The following RPH3AL variants were observed in gnomAD, a reference collection of about 807,000 sequenced individuals.
RPH3AL encodes rabphilin 3A like (without C2 domains), also known as rab effector Noc2.
RPH3AL carries 38 observed loss-of-function variants against 43.1 expected under a neutral mutation model. The ratio of observed to expected loss-of-function variants is 0.88; its 90% CI spans 0.68 to 1.15. The LOEUF (loss-of-function observed/expected upper bound fraction) is 1.15, where lower values mean the gene tolerates loss of function less well. RPH3AL is among the 50% of genes most tolerant of loss of function. The probability of loss-of-function intolerance (pLI) is 0.00; values close to 1 mark genes in which losing one functional copy is unlikely to be tolerated. For missense variants in RPH3AL, 462 were observed against 423.2 expected (o/e 1.09, Z -0.81); for synonymous variants, 189 against 176.3 (o/e 1.07, Z -0.57).
intron 5 of RPH3AL, among the ~76,000 whole-genome samples, chr17:313,030 C>T (rs1330816246): frequency 6.6e-6 from 1 of 152,204 alleles, no homozygotes; most frequent in African/African-American, 2.4e-5. Context: ...TCCAGGAGAA[C>T]CGGCTGCCCT....
intron 6 of RPH3AL, among the ~76,000 whole-genome samples, chr17:260,594 T>C (rs1435371005): frequency 6.6e-6 from 1 of 152,192 alleles, no homozygotes; most frequent in Non-Finnish European, 1.5e-5. Context: ...GGAAAAGACC[T>C]GTGACTGAGC....
In RPH3AL at chr17:228,519, C is replaced by T. The variant is rs367617269; in HGVS notation, c.614-8783G>A. Among the ~76,000 whole-genome samples, 10 of 152,292 alleles carry T rather than the reference C, an allele frequency of 6.6e-5. 1 individual carries two copies. In the South Asian group the frequency reaches 2.1e-3, roughly 32 times the overall value. On this transcript the variant is annotated intron_variant, in intron 7 of 9. Transcript: ENST00000331302. ...GAGGCAGCTGGAACTCACGGGCCCA[C>T]ACCATGCAGCACAGGCTGGCCCTGG... is the stretch of plus-strand genomic sequence containing the variant.
At chr17:262,457 A>G (rs11867643) in intron 6 of RPH3AL, among the ~76,000 whole-genome samples, 18,510 of 151,930 alleles carry the variant, frequency 0.12, 1,257 homozygotes, top group Non-Finnish European at 0.15. Flanking sequence ...CTCGTGATCC[A>G]CCCGCCTCGG....
chr17:247,533 T>A, intron 6 of RPH3AL: 1 of 477,720 alleles, frequency 2.1e-6, no homozygotes, highest in Non-Finnish European at 3.7e-6. Context: ...CTGCCCAGGC[T>A]GGAGTGCAGT....
intron 1 of RPH3AL, among the ~76,000 whole-genome samples, chr17:348,270 A>G (rs1428487096): frequency 1.3e-5 from 2 of 152,162 alleles, no homozygotes; most frequent in Non-Finnish European, 2.9e-5. Context: ...ATTGCAGGGG[A>G]TTTTGAAGGC....
At position 331,432 on chromosome 17, in the gene RPH3AL, C is replaced by T. The variant is rs113356764; in HGVS notation, c.-37+2327G>A. 1.8e-3 allele frequency: 961 copies of T among 538,116 alleles called. 7 individuals carry two copies. The highest frequency in any genetic ancestry group is 0.016 in the African/African-American group (811 of 50,272). The allele number at this position is 538,116 out of a possible 1,614,324, so 33.3% of individuals were successfully genotyped here. On this transcript the variant is annotated intron_variant, in intron 2 of 9. Transcript: ENST00000331302. ...CACAGGGGTGGCCCTGAGCAAAGGTCGGACATGAGGACCCAGGAGAATTCA... is the reference window on the plus strand; with the variant it reads ...CACAGGGGTGGCCCTGAGCAAAGGTTGGACATGAGGACCCAGGAGAATTCA...
Position 246,614 on chromosome 17 carries a change from C to A in RPH3AL, c.613+497G>T, listed in dbSNP as rs1371574130. ...TGCCAAGTGGGGCGGCCACCTGAGA[C>A]ACACACACCTTACTGTAGCCACCAG... On this transcript the variant is annotated intron_variant, in intron 7 of 9. Coordinates refer to ENST00000331302, the MANE Select transcript of RPH3AL (RefSeq NM_006987.4). The surrounding 1 kb of genome is among the most constrained non-coding windows in gnomAD (Gnocchi z 4.8). Among the ~76,000 whole-genome samples, 1 of 152,038 alleles carries A rather than the reference C, an allele frequency of 6.6e-6. No homozygotes were observed. Among genetic ancestry groups the A allele is most frequent in the Non-Finnish European group, 1.5e-5 (1 of 67,992 alleles).
At chr17:279,464 A>G (rs1328911243) in intron 6 of RPH3AL, among the ~76,000 whole-genome samples, 1 of 152,194 alleles carries the variant, frequency 6.6e-6, no homozygotes, top group Admixed American at 6.5e-5. Flanking sequence ...GCCTTAGGAA[A>G]GATAAGAAAA....
chr17:239,904 C>T (rs1344424451), intron 7 of RPH3AL, among the ~76,000 whole-genome samples: 1 of 152,194 alleles, frequency 6.6e-6, no homozygotes, highest in South Asian at 2.1e-4. Flanking sequence ...GCTGGGATTA[C>T]AGGCATGAGC....
intron 7 of RPH3AL, 60 bp downstream of exon 7, chr17:247,051 G>C: frequency 6.3e-7 from 1 of 1,593,972 alleles, no homozygotes; most frequent in African/African-American, 1.3e-5. Context: ...GCAAACTGCC[G>C]GGCTGGCTAA....
At position 263,179 on chromosome 17, in the gene RPH3AL, G is replaced by A. The variant is rs188033492; in HGVS notation, c.439-15894C>T. Reference sequence around the variant, plus strand: ...TAGACAAGGAGGGAGGTGGGCATGGGGGAGGAAGAGGCGGCCTCCATATCC... The same window carrying A: ...TAGACAAGGAGGGAGGTGGGCATGGAGGAGGAAGAGGCGGCCTCCATATCC... On this transcript the variant is annotated intron_variant, in intron 6 of 9. Transcript: ENST00000331302. 2.0e-3 allele frequency among the ~76,000 whole-genome samples: 304 copies of A among 152,306 alleles called. 1 individual carries two copies. Among genetic ancestry groups the A allele is most frequent in the Non-Finnish European group, 3.1e-3 (208 of 68,014 alleles).
At chr17:273,814 C>T (rs533985528) in intron 6 of RPH3AL, among the ~76,000 whole-genome samples, 2 of 152,264 alleles carry the variant, frequency 1.3e-5, no homozygotes, top group South Asian at 2.1e-4. Context: ...CAGGATGTGG[C>T]GGGAAATTGA....
At chr17:313,885 AC>A (rs954482177) in intron 5 of RPH3AL, among the ~76,000 whole-genome samples, 1 of 150,590 alleles carries the variant, frequency 6.6e-6, no homozygotes, top group Non-Finnish European at 1.5e-5. Context: ...CCCCTAATAC[AC>A]TCCCCTCCCA....
intron 1 of RPH3AL, among the ~76,000 whole-genome samples, chr17:336,592 C>T (rs530210874): frequency 6.6e-6 from 1 of 152,286 alleles, no homozygotes; most frequent in South Asian, 2.1e-4. Context: ...CTGGGGCTCC[C>T]CGTTGCCCCT....
chr17:336,105 C>G (rs999022479), intron 1 of RPH3AL: 2 of 79,746 alleles, frequency 2.5e-5, no homozygotes, highest in Non-Finnish European at 5.6e-5. Context: ...CGAGCCGGTG[C>G]TTCCCGAGGC....
intron 7 of RPH3AL, among the ~76,000 whole-genome samples, chr17:234,754 G>A (rs2041322635): frequency 6.6e-6 from 1 of 152,208 alleles, no homozygotes; most frequent in Non-Finnish European, 1.5e-5. Flanking sequence ...ATATGTGACA[G>A]AAATGGCAAA....
chr17:232,846 GTGTGTGTGTGTGTGTGTGT>G (rs1453577358), intron 7 of RPH3AL, among the ~76,000 whole-genome samples: 93 of 68,330 alleles, frequency 1.4e-3, no homozygotes, highest in Admixed American at 2.6e-3. Context: ...GTGTGTGTGT[GTGTGTGTGTGTGTGTGTGT>G]GTGTGTGTGT....
rs1159134212 is a variant in RPH3AL at position 344,965 on chromosome 17, G to A, written c.-213+7747C>T. ...AAGGCCACCTGGCCTTGCTGAGAGA[G>A]GCAGGAGGCCCGTTGGTGAGGCCAA... is the stretch of plus-strand genomic sequence containing the variant. On this transcript the variant is annotated intron_variant, in intron 1 of 9. Coordinates refer to ENST00000331302, the MANE Select transcript of RPH3AL (RefSeq NM_006987.4). Among the ~76,000 whole-genome samples, 5 of 135,938 alleles carry A rather than the reference G, an allele frequency of 3.7e-5. 1 individual carries two copies. Among genetic ancestry groups the A allele is most frequent in the African/African-American group, 1.3e-4 (5 of 39,674 alleles). The allele number at this position is 135,938 out of a possible 152,430, so 89.2% of individuals were successfully genotyped here.
chr17:315,477 C>A (rs1373604552), intron 5 of RPH3AL, among the ~76,000 whole-genome samples: 2 of 151,116 alleles, frequency 1.3e-5, no homozygotes, highest in African/African-American at 4.9e-5. Context: ...TGTGCTCCCA[C>A]CTCCATTGAC....
Sources: allele counts gnomAD v4.1 joint callset (sites outside exome capture counted in the v4.1 genomes callset), GRCh38; gene constraint gnomAD v4.1.1; non-coding constraint Gnocchi (gnomAD v3.1); transcripts MANE v1.5; gene names NCBI Gene and HGNC (gene_info 2026-07-23, HGNC 2026-07-21).